SIM1: variants seen among roughly 807,000 people sequenced by gnomAD.
The protein encoded by SIM1 is SIM bHLH transcription factor 1, also known as single-minded homolog 1.
Under a neutral mutation model 78.2 loss-of-function variants are expected in SIM1, and 18 were observed. The observed-to-expected ratio is 0.23, with a 90% CI of 0.16 to 0.34. The LOEUF (loss-of-function observed/expected upper bound fraction) is 0.34. Among genes scored for constraint, SIM1 ranks in the 10% least tolerant of loss-of-function variants. SIM1 has a pLI of 1.00. For synonymous variants in SIM1, 417 were observed against 385.2 expected, an observed-to-expected ratio of 1.08 and a Z score of -0.97; for missense variants, 939 against 975.1, an observed-to-expected ratio of 0.96 and a Z score of 0.49.
At position 100,391,107 on chromosome 6, in the gene SIM1, A is replaced by C; in HGVS notation, c.1571-16T>G. On this transcript the variant is annotated splice_polypyrimidine_tract_variant and intron_variant, in intron 11 of 11. Coordinates refer to ENST00000369208, the MANE Select transcript of SIM1 (RefSeq NM_005068.3). ...TGACCTCGCCCTAAAAATTAGAAAA[A>C]GTCAAAAGTAAGTGATCTCAGAATT... The C allele has an allele frequency of 6.4e-7, 1 of 1,556,542 alleles. No individual in the cohort carries two copies. Among genetic ancestry groups the C allele is most frequent in the Non-Finnish European group, 8.6e-7 (1 of 1,156,326 alleles).
intron 9 of SIM1, among the ~76,000 whole-genome samples, chr6:100,421,777 G>A (rs1269086729): frequency 6.6e-6 from 1 of 152,136 alleles, no homozygotes; most frequent in Admixed American, 6.6e-5. Flanking sequence ...CTTCTAGACA[G>A]CAGCGAGTCT....
intron 6 of SIM1, among the ~76,000 whole-genome samples, chr6:100,448,888 C>G (rs1772435822): frequency 6.6e-6 from 1 of 152,192 alleles, no homozygotes; most frequent in Non-Finnish European, 1.5e-5. Flanking sequence ...GGAGCGCGTA[C>G]AAAATGCAGA....
chr6:100,431,367 T>C (rs1771894660), intron 9 of SIM1, among the ~76,000 whole-genome samples: 1 of 152,222 alleles, frequency 6.6e-6, no homozygotes, highest in South Asian at 2.1e-4. Context: ...ATTTCTAATC[T>C]CCTTAAAGCC....
chr6:100,434,922 C>G (rs1772005726), intron 9 of SIM1, among the ~76,000 whole-genome samples: 1 of 152,144 alleles, frequency 6.6e-6, no homozygotes, highest in Non-Finnish European at 1.5e-5. Flanking sequence ...ATTCACAGGC[C>G]CTATCCATTT....
intron 6 of SIM1, 90 bp downstream of exon 6, chr6:100,449,273 C>T (rs1772449205): frequency 3.6e-6 from 4 of 1,104,342 alleles, no homozygotes; most frequent in Non-Finnish European, 5.4e-6. Context: ...TGCGGGTAGT[C>T]CCAGAGGTAG....
At chr6:100,433,260 C>T (rs1771949467) in intron 9 of SIM1, among the ~76,000 whole-genome samples, 1 of 152,204 alleles carries the variant, frequency 6.6e-6, no homozygotes, top group African/African-American at 2.4e-5. Flanking sequence ...CGATCTGGCC[C>T]TGCCTATTCT....
chr6:100,432,347 G>A (rs1216397797), intron 9 of SIM1, among the ~76,000 whole-genome samples: 1 of 152,046 alleles, frequency 6.6e-6, no homozygotes, highest in African/African-American at 2.4e-5. Context: ...CCAACGATTT[G>A]CATTCTTAAC....
intron 10 of SIM1, among the ~76,000 whole-genome samples, chr6:100,410,360 G>T (rs1315669355): frequency 1.3e-5 from 2 of 152,192 alleles, no homozygotes; most frequent in Non-Finnish European, 2.9e-5. Context: ...TAAGCCAGAA[G>T]CAGAGGCTTC....
At chr6:100,426,165 C>T (rs1433731499) in intron 9 of SIM1, among the ~76,000 whole-genome samples, 1 of 152,186 alleles carries the variant, frequency 6.6e-6, no homozygotes, top group African/African-American at 2.4e-5. Context: ...CACACATCTT[C>T]AGGTGCCTCA....
In SIM1 at chr6:100,463,606, C is replaced by A; in HGVS notation, c.-138G>T. 1 of 795,110 alleles carries A rather than the reference C, an allele frequency of 1.3e-6. No individual in the cohort carries two copies. Among genetic ancestry groups the A allele is most frequent in the Non-Finnish European group, 2.0e-6 (1 of 492,286 alleles). 49.3% of individuals were successfully genotyped at this position (795,110 alleles called of 1,614,324 possible). A position where few individuals can be genotyped will look rare whatever the true frequency, so the allele number is the denominator to read the frequency against. ...AATAAAGAGGCTGAAGTATTTGCAC[C>A]AAGAACAGTGTATTGATGGCAGTAA... On this transcript the variant is annotated 5_prime_UTR_variant, in exon 2 of 12. Transcript: ENST00000369208.
At chr6:100,431,176 G>A (rs901456488) in intron 9 of SIM1, among the ~76,000 whole-genome samples, 2 of 152,150 alleles carry the variant, frequency 1.3e-5, no homozygotes, top group African/African-American at 4.8e-5. Flanking sequence ...GTTTTCAAAT[G>A]CACAAATCTT....
chr6:100,409,699 C>T (rs1582617117), intron 10 of SIM1, among the ~76,000 whole-genome samples: 1 of 151,994 alleles, frequency 6.6e-6, no homozygotes, highest in East Asian at 1.9e-4. Flanking sequence ...ACTGCTTTTG[C>T]TGCAACCCAG....
intron 3 of SIM1, 138 bp downstream of exon 3, chr6:100,453,624 A>C: frequency 4.6e-6 from 3 of 646,620 alleles, no homozygotes; most frequent in Non-Finnish European, 5.2e-6. Flanking sequence ...GGCCACGTGC[A>C]GTCCGGATCC....
At chr6:100,425,079 C>T (rs1272891376) in intron 9 of SIM1, among the ~76,000 whole-genome samples, 1 of 152,126 alleles carries the variant, frequency 6.6e-6, no homozygotes, top group Non-Finnish European at 1.5e-5. Flanking sequence ...CAGTCTTTCT[C>T]ATACTATTCT....
At chr6:100,400,718 A>C (rs764930087) in intron 10 of SIM1, among the ~76,000 whole-genome samples, 1 of 152,134 alleles carries the variant, frequency 6.6e-6, no homozygotes, top group Non-Finnish European at 1.5e-5. Context: ...TAACCCACTA[A>C]ATAAATCCAT....
At position 100,393,595 on chromosome 6, in the gene SIM1, G is replaced by A. The variant is rs1770694616; in HGVS notation, c.1462C>T (p.Pro488Ser). The A allele has an allele frequency of 2.5e-6, 4 of 1,613,850 alleles. No homozygotes were observed. In the East Asian group the frequency reaches 8.9e-5, roughly 36 times the overall value. ...FLGTPQAGRE[P>S]WWGSRAALPL... The stretch of plus-strand genomic sequence containing the variant: ...AAGGCTGCGCGAGAGCCCCACCAGG[G>A]CTCCCTCCCGGCCTGCGGCGTTCCC... The change falls in exon 11 of 12, where the codon CCC becomes TCC. Residue 488 changes from proline to serine, a missense_variant. Coordinates refer to ENST00000369208, the MANE Select transcript of SIM1 (RefSeq NM_005068.3).
chr6:100,385,500 A>C lies in SIM1; in HGVS notation c.*4861T>G, dbSNP rs1770496498. 6.6e-6 allele frequency: 1 copy of C among 152,012 alleles called. No homozygotes were observed. Among genetic ancestry groups the C allele is most frequent in the Non-Finnish European group, 1.5e-5 (1 of 67,934 alleles). The allele number at this position is 152,012 out of a possible 1,614,324, so 9.4% of individuals were successfully genotyped here. ...CAGGGTTACCGGGTGTAAGTTTAAC[A>C]GTGATTACATGTGTCCCAGGTCAGC... On this transcript the variant is annotated 3_prime_UTR_variant, in exon 12 of 12. Coordinates refer to ENST00000369208, the MANE Select transcript of SIM1 (RefSeq NM_005068.3).
intron 10 of SIM1, among the ~76,000 whole-genome samples, chr6:100,404,569 T>C (rs1771006892): frequency 2.0e-5 from 3 of 152,164 alleles, no homozygotes; most frequent in Admixed American, 2.0e-4. Context: ...AATGTAACCC[T>C]GAAACATAAA....
chr6:100,446,634 T>G (rs1772362411), intron 9 of SIM1, among the ~76,000 whole-genome samples: 1 of 152,230 alleles, frequency 6.6e-6, no homozygotes, highest in Non-Finnish European at 1.5e-5. Flanking sequence ...TCCCTGTCAT[T>G]CGCGCCCGCA....
Sources: allele counts gnomAD v4.1 joint callset (sites outside exome capture counted in the v4.1 genomes callset), GRCh38; gene constraint gnomAD v4.1.1; transcripts MANE v1.5; gene names NCBI Gene and HGNC (gene_info 2026-07-23, HGNC 2026-07-21).